The following CCND3 variants were observed in gnomAD, a reference collection of about 807,000 sequenced individuals.
CCND3 encodes G1/S-specific cyclin-D3.
In CCND3, 9 loss-of-function variants were observed where a neutral mutation model predicts 28.7. The ratio of observed to expected loss-of-function variants is 0.31; its 90% CI spans 0.19 to 0.55. CCND3 has a LOEUF of 0.55. Ranked by LOEUF, CCND3 falls within the 20% of genes least tolerant of loss-of-function variation. The probability of loss-of-function intolerance (pLI) is 0.93; values close to 1 mark genes in which losing one functional copy is unlikely to be tolerated. For missense variants in CCND3, 315 were observed against 385.8 expected (o/e 0.82, Z 1.54); for synonymous variants, 164 against 163.9 (o/e 1.00, Z 0.00).
intron 1 of CCND3, among the ~76,000 whole-genome samples, chr6:41,968,495 G>T (rs1208695318): frequency 6.6e-6 from 1 of 152,102 alleles, no homozygotes; most frequent in African/African-American, 2.4e-5. Flanking sequence ...GGGAGGCTAA[G>T]GCAGGAGGAT....
At chr6:41,951,911 A>G (rs1776328119) in intron 1 of CCND3, among the ~76,000 whole-genome samples, 1 of 151,924 alleles carries the variant, frequency 6.6e-6, no homozygotes, top group South Asian at 2.1e-4. Context: ...GGTGCTCGCC[A>G]CCACACTCAG....
intron 1 of CCND3, among the ~76,000 whole-genome samples, chr6:41,996,717 T>C (rs981136740): frequency 6.8e-6 from 1 of 147,982 alleles, no homozygotes; most frequent in African/African-American, 2.5e-5. Context: ...CAGGCTGGAG[T>C]GCAGTGGCAC....
chr6:41,979,546 A>G (rs1561970558), intron 1 of CCND3, among the ~76,000 whole-genome samples: 2 of 150,522 alleles, frequency 1.3e-5, no homozygotes, highest in African/African-American at 2.4e-5. Flanking sequence ...AAAAAAAAAA[A>G]AAAGAAAAAT....
chr6:42,034,989 A>T (rs1199021875), intron 1 of CCND3, among the ~76,000 whole-genome samples: 4 of 152,030 alleles, frequency 2.6e-5, no homozygotes, highest in Non-Finnish European at 4.4e-5. Context: ...ATAGCCTGAC[A>T]CCTTTCCCTA....
intron 1 of CCND3, among the ~76,000 whole-genome samples, chr6:42,034,198 A>C (rs1480811988): frequency 2.1e-5 from 3 of 142,336 alleles, no homozygotes; most frequent in Non-Finnish European, 4.5e-5. Context: ...CCCAGGCTGG[A>C]GTGCAGTGGT....
Position 41,935,912 on chromosome 6 carries a change from G to A in CCND3, c.*28C>T. The A allele has an allele frequency of 6.3e-7, 1 of 1,591,618 alleles. No individual in the cohort carries two copies. Among genetic ancestry groups the A allele is most frequent in the East Asian group, 2.3e-5 (1 of 44,156 alleles). On this transcript the variant is annotated 3_prime_UTR_variant, in exon 5 of 5. Coordinates refer to ENST00000372991, the MANE Select transcript of CCND3 (RefSeq NM_001760.5). ...GTGGCAGCGGCCCCTCCTCTGCTTA[G>A]TGGCCACTCCAGAGGGCCTCTCCAG...
In CCND3 at chr6:42,025,225, G is replaced by A. The variant is rs528473834; in HGVS notation, c.-46+23276C>T. Among the ~76,000 whole-genome samples, 11 of 152,330 alleles carry A rather than the reference G, an allele frequency of 7.2e-5. No homozygotes were observed. The East Asian group carries it at 7.7e-4, about 11-fold the overall frequency. ...GAAACAGGGAGCCTGACAGCTCTCC[G>A]AGCAGGCCAGGGCAGGGGGACCTCT... On this transcript the variant is annotated intron_variant, in intron 1 of 4. Coordinates refer to the CCND3 transcript ENST00000372988.
chr6:41,944,410 G>A (rs1018655510), upstream of CCND3, among the ~76,000 whole-genome samples: 1 of 151,146 alleles, frequency 6.6e-6, no homozygotes, highest in Admixed American at 6.6e-5. Flanking sequence ...AAATAGAAGG[G>A]TTTTTTGTGT....
intron 1 of CCND3, among the ~76,000 whole-genome samples, chr6:41,984,646 C>A (rs986718613): frequency 2.0e-5 from 3 of 152,202 alleles, no homozygotes; most frequent in African/African-American, 7.2e-5. Context: ...CCACTCTCGG[C>A]GGGTAGTTGC....
rs1775794270 is a variant in CCND3, at chr6:41,936,345, A to G, written c.711+214T>C. 1 of 674,838 alleles carries G rather than the reference A, an allele frequency of 1.5e-6. No homozygotes were observed. 41.8% of individuals were successfully genotyped at this position (674,838 alleles called of 1,614,324 possible). Reference sequence around the variant, plus strand: ...CCCCCACTCCAGCACACCACTTGGCAAGAAAAGAACCCCTAGGGCCAGTGC... The same window carrying G: ...CCCCCACTCCAGCACACCACTTGGCGAGAAAAGAACCCCTAGGGCCAGTGC... On this transcript the variant is annotated intron_variant, in intron 4 of 4. Coordinates refer to ENST00000372991, the MANE Select transcript of CCND3 (RefSeq NM_001760.5). The surrounding 1 kb of genome is among the most constrained non-coding windows in gnomAD (Gnocchi z 4.4).
intron 1 of CCND3, among the ~76,000 whole-genome samples, chr6:42,046,059 C>T (rs1256075750): frequency 1.3e-5 from 2 of 152,210 alleles, no homozygotes; most frequent in Non-Finnish European, 2.9e-5. Flanking sequence ...ACCCAGTTCC[C>T]ACCCTCGACT....
intron 1 of CCND3, among the ~76,000 whole-genome samples, chr6:41,959,089 T>C (rs1312682522): frequency 1.3e-5 from 2 of 151,852 alleles, no homozygotes; most frequent in Non-Finnish European, 2.9e-5. Flanking sequence ...CCGAGGCTGG[T>C]GGATCACCTG....
At position 41,968,059 on chromosome 6, in the gene CCND3, A is replaced by C. The variant is rs76624801; in HGVS notation, c.-45-27474T>G. ...TCTTCATTCCAACTAAAGTGGTAGG[A>C]GAGGAGAAGCAGTATGGGGAAAGAG... On this transcript the variant is annotated intron_variant, in intron 1 of 4. Transcript: ENST00000372988. 6.1e-3 allele frequency among the ~76,000 whole-genome samples: 926 copies of C among 152,300 alleles called. 5 individuals carry two copies. The highest frequency in any genetic ancestry group is 0.011 in the Non-Finnish European group (770 of 68,016).
At chr6:41,953,804 T>C (rs1309425314) in intron 1 of CCND3, among the ~76,000 whole-genome samples, 3 of 152,014 alleles carry the variant, frequency 2.0e-5, no homozygotes, top group Admixed American at 2.0e-4. Context: ...GAGGTGGGTC[T>C]GCTAAGGGAC....
At chr6:41,952,923 GTGGCAGT>G (rs973858137) in intron 1 of CCND3, among the ~76,000 whole-genome samples, 1 of 152,160 alleles carries the variant, frequency 6.6e-6, no homozygotes, top group East Asian at 1.9e-4. Context: ...GCACAAGGAT[GTGGCAGT>G]TGTCAGGGTG....
intron 1 of CCND3, among the ~76,000 whole-genome samples, chr6:42,006,405 GA>G (rs1763176333): frequency 1.3e-5 from 2 of 151,936 alleles, no homozygotes; most frequent in African/African-American, 4.8e-5. Context: ...TTATGAGTGG[GA>G]AGCCATTAGA....
chr6:41,978,129 C>G (rs542796511), intron 1 of CCND3, among the ~76,000 whole-genome samples: 9 of 151,804 alleles, frequency 5.9e-5, no homozygotes, highest in African/African-American at 2.2e-4. Flanking sequence ...AATCCCAGCA[C>G]TTTGGGAGGC....
chr6:41,990,319 G>A (rs935343835), intron 1 of CCND3, among the ~76,000 whole-genome samples: 5 of 151,920 alleles, frequency 3.3e-5, no homozygotes, highest in Admixed American at 6.6e-5. Context: ...ATGGAAAGAC[G>A]GCCCATGTTC....
Position 41,936,797 on chromosome 6 carries a change from G to A in CCND3, c.575-102C>T. 1 of 1,251,854 alleles carries A rather than the reference G, an allele frequency of 8.0e-7. No homozygotes were observed. Among genetic ancestry groups the A allele is most frequent in the South Asian group, 1.4e-5 (1 of 69,980 alleles). 77.5% of individuals were successfully genotyped at this position (1,251,854 alleles called of 1,614,324 possible). ...GAAAGTGCCAGGCAGCATGAGTAGA[G>A]CAGAGGACATGCTGGAAAACTCCAG... On this transcript the variant is annotated intron_variant, in intron 3 of 4. Coordinates refer to ENST00000372991, the MANE Select transcript of CCND3 (RefSeq NM_001760.5). This position sits in a 1 kb window ranked among gnomAD's most constrained non-coding sequence, Gnocchi z 4.4.
Sources: gnomAD v4.1 joint callset for allele counts (sites outside exome capture counted in the v4.1 genomes callset) on GRCh38, gnomAD v4.1.1 for gene constraint, Gnocchi (gnomAD v3.1) non-coding constraint, MANE v1.5 for transcripts, NCBI Gene and HGNC (gene_info 2026-07-23, HGNC 2026-07-21) for gene names.